Variants in C5orf46 observed in about 807,000 individuals in gnomAD.
The protein encoded by C5orf46 is chromosome 5 open reading frame 46.
In C5orf46, 9 loss-of-function variants were observed where a neutral mutation model predicts 8.9. The ratio of observed to expected loss-of-function variants is 1.01; its 90% confidence interval spans 0.61 to 1.76. The LOEUF (loss-of-function observed/expected upper bound fraction) is 1.76. Among genes scored for constraint, C5orf46 ranks in the 40% most tolerant of loss-of-function variants. The probability of loss-of-function intolerance (pLI) is 0.00; values close to 1 mark genes in which losing one functional copy is unlikely to be tolerated. For missense variants in C5orf46, 98 were observed against 107.8 expected (o/e 0.91, Z 0.40); for synonymous variants, 47 against 41.4 (o/e 1.14, Z -0.52).
At chr5:147,905,767 G>A (rs1580989748) in intron 1 of C5orf46, among the ~76,000 whole-genome samples, 2 of 152,314 alleles carry the variant, frequency 1.3e-5, no homozygotes, top group South Asian at 2.1e-4. Flanking sequence ...TCACCTGTAT[G>A]TATGCTCAAG....
chr5:147,889,539 T>G (rs1030339931), downstream of C5orf46, among the ~76,000 whole-genome samples: 1 of 152,166 alleles, frequency 6.6e-6, no homozygotes, highest in African/African-American at 2.4e-5. Flanking sequence ...TATTAAAAAG[T>G]AATTCCTCTC....
intron 2 of C5orf46, among the ~76,000 whole-genome samples, chr5:147,898,761 G>C (rs1191645197): frequency 2.6e-5 from 4 of 152,064 alleles, no homozygotes; most frequent in Non-Finnish European, 1.5e-5. Context: ...ACCCAGAGGG[G>C]AAAATATTCC....
chr5:147,893,166 A>G (rs1757527725), intron 3 of C5orf46, among the ~76,000 whole-genome samples: 1 of 152,216 alleles, frequency 6.6e-6, no homozygotes, highest in African/African-American at 2.4e-5. Context: ...ATCAGAAACA[A>G]GAATGAAGGG....
chr5:147,885,967 C>T (rs1757412068), intron 2 of C5orf46: 1 of 152,088 alleles, frequency 6.6e-6, no homozygotes, highest in African/African-American at 2.4e-5. Flanking sequence ...AAATTTTGGA[C>T]ATCTTTGTAA....
downstream of C5orf46, among the ~76,000 whole-genome samples, chr5:147,890,443 T>A (rs939409955): frequency 4.6e-5 from 7 of 152,084 alleles, no homozygotes; most frequent in African/African-American, 1.7e-4. Context: ...TACATTTTAA[T>A]GAAGGTAGGC....
At position 147,893,380 on chromosome 5, in the gene C5orf46, G is replaced by A. The variant is rs189231822; in HGVS notation, c.*10-441C>T. 4.1e-3 allele frequency among the ~76,000 whole-genome samples: 620 copies of A among 151,004 alleles called. 1 individual carries two copies. The highest frequency in any genetic ancestry group is 0.031 in the Middle Eastern group (9 of 294). On this transcript the variant is annotated intron_variant, in intron 3 of 3. Transcript: ENST00000318315. ...GCTCACTGCAGCTTCTGCCTCCCAG[G>A]TTCAAGCGATTCTTCTGCCTCAGCC...
At chr5:147,891,484 T>C (rs1354276983), downstream of C5orf46, among the ~76,000 whole-genome samples, 3 of 152,202 alleles carry the variant, frequency 2.0e-5, no homozygotes, top group African/African-American at 7.2e-5. Flanking sequence ...ATTTACCAAA[T>C]CTTGTATTGA....
At chr5:147,894,284 A>G (rs576704680) in intron 3 of C5orf46, among the ~76,000 whole-genome samples, 1 of 152,334 alleles carries the variant, frequency 6.6e-6, no homozygotes, top group South Asian at 2.1e-4. Flanking sequence ...ACACAAAAAA[A>G]GATGACTTGA....
rs749405270 is a variant in C5orf46 at position 147,901,735 on chromosome 5, A to AGTCGTCTGGCTT, written c.97_108dup (p.Lys33_Asp36dup). 3.1e-6 allele frequency: 5 copies of AGTCGTCTGGCTT among 1,613,972 alleles called. No individual in the cohort carries two copies. The Admixed American group carries it at 6.7e-5, about 22-fold the overall frequency. Reference sequence around the variant, plus strand: ...AAGTCTGGCTTTGGGTCTTTGCCCGAGTCGTCTGGCTTGTCGTCTGGCTTG... The same window carrying AGTCGTCTGGCTT: ...AAGTCTGGCTTTGGGTCTTTGCCCGAGTCGTCTGGCTTGTCGTCTGGCTTGTCGTCTGGCTTG... On this transcript the variant is annotated inframe_insertion, in exon 2 of 4. Coordinates refer to ENST00000318315, the MANE Select transcript of C5orf46 (RefSeq NM_206966.3).
chr5:147,904,441 T>C (rs1053362383), intron 1 of C5orf46, among the ~76,000 whole-genome samples: 2 of 152,230 alleles, frequency 1.3e-5, no homozygotes, highest in Non-Finnish European at 2.9e-5. Context: ...CAAACAATTG[T>C]TCTGTAAAGA....
At position 147,894,612 on chromosome 5, in the gene C5orf46, A is replaced by G. The variant is rs1199919457; in HGVS notation, c.*10-1673T>C. Among the ~76,000 whole-genome samples the G allele has an allele frequency of 3.3e-5, 5 of 152,018 alleles. No individual in the cohort carries two copies. In the East Asian group the frequency reaches 9.7e-4, roughly 29 times the overall value. On this transcript the variant is annotated intron_variant, in intron 3 of 3. Coordinates refer to ENST00000318315, the MANE Select transcript of C5orf46 (RefSeq NM_206966.3). Reference sequence around the variant, plus strand: ...AGGCCCCTTTATGCATAACTTTATCATTTCCTTCCACAGTTATGAGATACA... The same window carrying G: ...AGGCCCCTTTATGCATAACTTTATCGTTTCCTTCCACAGTTATGAGATACA...
rs115341479 is a variant in C5orf46 at position 147,903,348 on chromosome 5, C to T, written c.71-1575G>A. The stretch of plus-strand genomic sequence containing the variant: ...AAGATCCATGCAATAATTAGGACAC[C>T]CTGATGCTGAAAGATTATTCATTGC... On this transcript the variant is annotated intron_variant, in intron 1 of 3. Coordinates refer to ENST00000318315, the MANE Select transcript of C5orf46 (RefSeq NM_206966.3). Among the ~76,000 whole-genome samples, 545 of 152,182 alleles carry T rather than the reference C, an allele frequency of 3.6e-3. 4 individuals carry two copies. The highest frequency in any genetic ancestry group is 0.013 in the African/African-American group (528 of 41,516).
intron 2 of C5orf46, among the ~76,000 whole-genome samples, chr5:147,897,895 C>T (rs924914732): frequency 6.6e-6 from 1 of 152,060 alleles, no homozygotes; most frequent in South Asian, 2.1e-4. Flanking sequence ...CAAACATGAC[C>T]TGCTTTAAAA....
Position 147,898,636 on chromosome 5 carries a change from T to C in C5orf46, c.216-1595A>G, listed in dbSNP as rs186797176. 3.9e-4 allele frequency among the ~76,000 whole-genome samples: 60 copies of C among 152,208 alleles called. No homozygotes were observed. The East Asian group carries it at 9.5e-3, about 24-fold the overall frequency. ...TGCAATGTGAAGAACCAAGCACGTTTGGAATTCTGAGGAACAATGACATTT... is the reference window on the plus strand; with the variant it reads ...TGCAATGTGAAGAACCAAGCACGTTCGGAATTCTGAGGAACAATGACATTT... On this transcript the variant is annotated intron_variant, in intron 2 of 3. Coordinates refer to ENST00000318315, the MANE Select transcript of C5orf46 (RefSeq NM_206966.3).
intron 2 of C5orf46, among the ~76,000 whole-genome samples, chr5:147,898,116 A>T (rs1253732574): frequency 1.3e-5 from 2 of 152,160 alleles, no homozygotes; most frequent in African/African-American, 2.4e-5. Flanking sequence ...TAGGTAGAAG[A>T]TGAATTGATG....
intron 1 of C5orf46, among the ~76,000 whole-genome samples, chr5:147,904,989 T>C (rs1390032935): frequency 6.6e-6 from 1 of 151,472 alleles, no homozygotes; most frequent in Non-Finnish European, 1.5e-5. Context: ...GTTTTATTGT[T>C]ACTATTAATA....
intron 1 of C5orf46, 56 bp from the exon 2 acceptor site, chr5:147,901,829 T>C (rs1182591928): frequency 6.4e-6 from 10 of 1,568,646 alleles, no homozygotes; most frequent in Non-Finnish European, 7.8e-6. Flanking sequence ...GGAATCATTC[T>C]TTCTGTGTGG....
In C5orf46 at chr5:147,896,334, G is replaced by A. The variant is rs143948369; in HGVS notation, c.*9+650C>T. Among the ~76,000 whole-genome samples the A allele has an allele frequency of 1.9e-3, 296 of 152,152 alleles. 2 individuals are homozygous for A. The highest frequency in any genetic ancestry group is 3.0e-3 in the African/African-American group (123 of 41,514). On this transcript the variant is annotated intron_variant, in intron 3 of 3. Transcript: ENST00000318315. The stretch of plus-strand genomic sequence containing the variant: ...ATTTAAGAATAATAATATCTATTTT[G>A]CATAGTGATTATGAATTAAATACTA...
At chr5:147,904,648 C>T (rs904903093) in intron 1 of C5orf46, among the ~76,000 whole-genome samples, 4 of 152,106 alleles carry the variant, frequency 2.6e-5, no homozygotes, top group Admixed American at 2.0e-4. Context: ...CTTGTGAACC[C>T]CATATATATT....
Sources: gnomAD v4.1 joint callset for allele counts (sites outside exome capture counted in the v4.1 genomes callset) on GRCh38, gnomAD v4.1.1 for gene constraint, MANE v1.5 for transcripts, NCBI Gene and HGNC (gene_info 2026-07-23, HGNC 2026-07-21) for gene names.